The following GLS variants were observed in gnomAD, a reference collection of about 807,000 sequenced individuals.
The protein encoded by GLS is glutaminase, also known as glutaminase kidney isoform, mitochondrial.
GLS carries 36 observed loss-of-function variants against 86.7 expected under a neutral mutation model. That is an observed-to-expected ratio of 0.42 (90% CI 0.32 to 0.55). The LOEUF is 0.55. Ranked by LOEUF, GLS falls within the 20% of genes least tolerant of loss-of-function variation. The pLI is 0.17. For synonymous variants in GLS, 317 were observed against 305.9 expected (o/e 1.04, Z -0.38); for missense variants, 528 against 833.4 (o/e 0.63, Z 4.51).
chr2:190,897,896 A>T lies in GLS; in HGVS notation c.605+2171A>T, dbSNP rs1049673050. 1.3e-4 allele frequency among the ~76,000 whole-genome samples: 20 copies of T among 152,192 alleles called. No individual in the cohort carries two copies. The highest frequency in any genetic ancestry group is 2.5e-4 in the Non-Finnish European group (17 of 68,024). On this transcript the variant is annotated intron_variant, in intron 3 of 17. Transcript: ENST00000320717. The surrounding 1 kb of genome is among the most constrained non-coding windows in gnomAD (Gnocchi z 4.3). ...TTTTCGGTAATCTGAGAAAACTATT[A>T]TGTGTGACTTTTTTTAACTTGGGAA...
chr2:190,927,700 C>T (rs989447892), intron 12 of GLS: 84 of 420,046 alleles, frequency 2.0e-4, no homozygotes, highest in African/African-American at 1.7e-3. Context: ...AACCTCATCC[C>T]TTCTGCTTTT....
intron 7 of GLS, among the ~76,000 whole-genome samples, chr2:190,917,586 A>G (rs1282948693): frequency 1.3e-5 from 2 of 152,210 alleles, no homozygotes; most frequent in Non-Finnish European, 2.9e-5. Context: ...CCATTAGACA[A>G]ATCACTATTA....
At position 190,949,994 on chromosome 2, in the gene GLS, A is replaced by T. The variant is rs73062694; in HGVS notation, c.1651-3571A>T. ...TTAAAAAGGATATAGTTAACAATAC[A>T]ATATATATATATATATGAAGGGGAA... On this transcript the variant is annotated intron_variant, in intron 14 of 17. Transcript: ENST00000320717. This position sits in a 1 kb window ranked among gnomAD's most constrained non-coding sequence, Gnocchi z 4.0. 0.028 allele frequency among the ~76,000 whole-genome samples: 4,193 copies of T among 148,200 alleles called. 200 individuals are homozygous for T. Among genetic ancestry groups the T allele is most frequent in the African/African-American group, 0.097 (3,957 of 40,614 alleles).
chr2:190,961,934 G>A (rs1691012738), intron 17 of GLS, among the ~76,000 whole-genome samples: 1 of 152,166 alleles, frequency 6.6e-6, no homozygotes, highest in South Asian at 2.1e-4. Context: ...TGAAGAAAGA[G>A]AGATCATCAG....
In GLS at chr2:190,927,084, C is replaced by T. The variant is rs1010061966; in HGVS notation, c.1249-222C>T. ...CTGGCACTTCCTAGTCTAGTTCTGC[C>T]ATTAAAAGACTGAGTATCTTTGGCC... On this transcript the variant is annotated intron_variant, in intron 11 of 17. Coordinates refer to ENST00000320717, the MANE Select transcript of GLS (RefSeq NM_014905.5). 1.4e-5 allele frequency: 6 copies of T among 439,160 alleles called. No homozygotes were observed. The East Asian group carries it at 2.4e-4, about 18-fold the overall frequency. 27.2% of individuals were successfully genotyped at this position (439,160 alleles called of 1,614,324 possible).
At chr2:190,884,817 C>G (rs1921913) in intron 1 of GLS, among the ~76,000 whole-genome samples, 17,634 of 152,224 alleles carry the variant, frequency 0.12, 1,439 homozygotes, top group Admixed American at 0.27. Flanking sequence ...AATGAGGTCA[C>G]TTTCCCCTTC....
chr2:190,941,746 C>T (rs538964763), intron 14 of GLS, among the ~76,000 whole-genome samples: 30 of 151,938 alleles, frequency 2.0e-4, no homozygotes, highest in African/African-American at 6.8e-4. Context: ...AAGGCAAATG[C>T]GCTGAAGAAG....
chr2:190,937,176 A>G (rs1043625044), intron 14 of GLS, among the ~76,000 whole-genome samples: 1 of 151,362 alleles, frequency 6.6e-6, no homozygotes, highest in Non-Finnish European at 1.5e-5. Flanking sequence ...CATACACTCA[A>G]GTATATCCAA....
chr2:190,938,045 C>T lies in GLS; in HGVS notation c.1650+6408C>T, dbSNP rs1351490522. On this transcript the variant is annotated intron_variant, in intron 14 of 17. Transcript: ENST00000320717. The surrounding 1 kb of genome is among the most constrained non-coding windows in gnomAD (Gnocchi z 4.1). ...TACATTTAACTCTAAATCTCATTTACTAATTATGGAATTTTTTTAAAGAAA... is the reference window on the plus strand; with the variant it reads ...TACATTTAACTCTAAATCTCATTTATTAATTATGGAATTTTTTTAAAGAAA... Among the ~76,000 whole-genome samples, 1 of 151,138 alleles carries T rather than the reference C, an allele frequency of 6.6e-6. No individual in the cohort carries two copies. The highest frequency in any genetic ancestry group is 1.5e-5 in the Non-Finnish European group (1 of 67,368).
Position 190,880,908 on chromosome 2 carries a change from AG to A in GLS, c.-176del. On this transcript the variant is annotated 5_prime_UTR_variant, in exon 1 of 18. Transcript: ENST00000320717. ...CAGCAGCAGCAGCAGCAGCAGCAGCAGCAGCAGCAGCACCCGCATCCGCTGC... is the reference window on the plus strand; with the variant it reads ...CAGCAGCAGCAGCAGCAGCAGCAGCACAGCAGCAGCACCCGCATCCGCTGC... 2.1e-5 allele frequency: 17 copies of A among 826,662 alleles called. No homozygotes were observed. The Admixed American group carries it at 2.5e-4, about 12-fold the overall frequency. 51.2% of individuals were successfully genotyped at this position (826,662 alleles called of 1,614,324 possible). A position where few individuals can be genotyped will look rare whatever the true frequency, so the allele number is the denominator to read the frequency against.
At position 190,931,622 on chromosome 2, in the gene GLS, A is replaced by G; in HGVS notation, c.1635A>G (p.Glu545=). 1 of 1,553,698 alleles carries G rather than the reference A, an allele frequency of 6.4e-7. No individual in the cohort carries two copies. The highest frequency in any genetic ancestry group is 8.9e-7 in the Non-Finnish European group (1 of 1,127,978). The stretch of plus-strand genomic sequence containing the variant: ...CAAAAAAACTTGATCCTCGAAGAGA[A>G]GGTGGTGATCAAAGGGTAAGCAAAA... ...HFAKKLDPRR[E]GGDQRVKSVI... The change falls in exon 14 of 18, where the codon GAA becomes GAG. Residue 545 remains glutamate, a synonymous_variant. Transcript: ENST00000320717.
At chr2:190,890,776 T>G (rs1303047945) in intron 1 of GLS, among the ~76,000 whole-genome samples, 5 of 152,218 alleles carry the variant, frequency 3.3e-5, no homozygotes, top group Non-Finnish European at 7.4e-5. Context: ...CAAATCCTTT[T>G]GTATTGTGTT....
In GLS at chr2:190,908,378, T is replaced by C. The variant is rs6713807; in HGVS notation, c.980-1885T>C. 3.3e-3 allele frequency among the ~76,000 whole-genome samples: 496 copies of C among 152,346 alleles called. 4 individuals carry two copies. Among genetic ancestry groups the C allele is most frequent in the African/African-American group, 0.011 (460 of 41,574 alleles). Reference sequence around the variant, plus strand: ...CATATGCTTAGCAGCTTGAAAAGCTTCTTTTGATATAATATGAAAGAATGC... The same window carrying C: ...CATATGCTTAGCAGCTTGAAAAGCTCCTTTTGATATAATATGAAAGAATGC... On this transcript the variant is annotated intron_variant, in intron 6 of 17. Coordinates refer to ENST00000320717, the MANE Select transcript of GLS (RefSeq NM_014905.5).
In GLS at chr2:190,941,488, T is replaced by C. The variant is rs143770662; in HGVS notation, c.1650+9851T>C. 5.9e-4 allele frequency among the ~76,000 whole-genome samples: 90 copies of C among 152,316 alleles called. No homozygotes were observed. The East Asian group carries it at 0.015, about 26-fold the overall frequency. On this transcript the variant is annotated intron_variant, in intron 14 of 17. Transcript: ENST00000320717. ...CATGGTTAGCTGTATCTTTAATGTT[T>C]CATTTCTTTAAAAAATATTTCAGCA...
At chr2:190,922,856 C>G (rs188379198) in intron 9 of GLS, among the ~76,000 whole-genome samples, 1 of 152,038 alleles carries the variant, frequency 6.6e-6, no homozygotes, top group Non-Finnish European at 1.5e-5. Flanking sequence ...TCAAATATAC[C>G]GCAAATTAAA....
intron 11 of GLS, among the ~76,000 whole-genome samples, chr2:190,926,137 A>C (rs1358280541): frequency 1.3e-5 from 2 of 152,210 alleles, no homozygotes; most frequent in Non-Finnish European, 2.9e-5. Context: ...TGAGATTAGC[A>C]GGAGAGTACC....
chr2:190,908,244 T>C (rs566750308), intron 6 of GLS, among the ~76,000 whole-genome samples: 1 of 152,328 alleles, frequency 6.6e-6, no homozygotes, highest in South Asian at 2.1e-4. Flanking sequence ...ACCGAAAATA[T>C]AAATATCCAA....
At chr2:190,940,547 C>CT (rs1469374935) in intron 14 of GLS, among the ~76,000 whole-genome samples, 1 of 152,028 alleles carries the variant, frequency 6.6e-6, no homozygotes, top group Non-Finnish European at 1.5e-5. Context: ...GACGTACCCA[C>CT]TTTAAGTTGC....
intron 17 of GLS, among the ~76,000 whole-genome samples, chr2:190,961,838 G>A (rs1691010468): frequency 6.6e-6 from 1 of 152,074 alleles, no homozygotes; most frequent in African/African-American, 2.4e-5. Flanking sequence ...TCCACTAAGC[G>A]GGTAAAAAGT....
Sources: gnomAD v4.1 joint callset for allele counts (sites outside exome capture counted in the v4.1 genomes callset) on GRCh38, gnomAD v4.1.1 for gene constraint, Gnocchi (gnomAD v3.1) non-coding constraint, MANE v1.5 for transcripts, NCBI Gene and HGNC (gene_info 2026-07-23, HGNC 2026-07-21) for gene names.